Variants in MAD1L1 observed in about 807,000 individuals in gnomAD.
MAD1L1 encodes the protein mitotic arrest deficient 1 like 1.
MAD1L1 carries 95 observed loss-of-function variants against 96.9 expected under a neutral mutation model. The observed-to-expected ratio is 0.98, with a 90% CI of 0.83 to 1.16. The LOEUF (loss-of-function observed/expected upper bound fraction) is 1.16, where lower values mean the gene tolerates loss of function less well. Among genes scored for constraint, MAD1L1 ranks in the 50% most tolerant of loss-of-function variants. The pLI, the probability that MAD1L1 is intolerant of heterozygous loss-of-function variation, is 0.00. For missense variants in MAD1L1, 1,007 were observed against 954.4 expected (o/e 1.06, Z -0.73); for synonymous variants, 473 against 396.6 (o/e 1.19, Z -2.29).
At chr7:2,151,605 A>G (rs1479492871) in intron 10 of MAD1L1, among the ~76,000 whole-genome samples, 1 of 152,226 alleles carries the variant, frequency 6.6e-6, no homozygotes, top group Non-Finnish European at 1.5e-5. Flanking sequence ...ATTTAGAAAC[A>G]AGCTTCTTGC....
In MAD1L1 at chr7:1,992,781, G is replaced by C. The variant is rs79000520; in HGVS notation, c.1416+9284C>G. ...CAAGGGAAAGTCCCAGTGTCTCCAG[G>C]ACAGGTGGATGTGAGGATGGCATGG... is the stretch of plus-strand genomic sequence containing the variant. On this transcript the variant is annotated intron_variant, in intron 14 of 18. Transcript: ENST00000265854. Among the ~76,000 whole-genome samples, 174 of 152,328 alleles carry C rather than the reference G, an allele frequency of 1.1e-3. 4 individuals are homozygous for C. The East Asian group carries it at 0.028, about 25-fold the overall frequency.
At chr7:1,889,574 C>T (rs1343088854) in intron 18 of MAD1L1, among the ~76,000 whole-genome samples, 1 of 130,876 alleles carries the variant, frequency 7.6e-6, no homozygotes, top group African/African-American at 2.5e-5. Context: ...TGCCCCTGCA[C>T]CATCTCCTAT....
intron 18 of MAD1L1, among the ~76,000 whole-genome samples, chr7:1,872,380 A>C (rs1470430847): frequency 6.6e-6 from 1 of 152,046 alleles, no homozygotes; most frequent in Non-Finnish European, 1.5e-5. Flanking sequence ...AGGCCTCCCC[A>C]CAGCACCTGC....
chr7:1,831,512 C>A (rs965604264), intron 18 of MAD1L1, among the ~76,000 whole-genome samples: 2 of 152,170 alleles, frequency 1.3e-5, no homozygotes, highest in African/African-American at 4.8e-5. Flanking sequence ...TGAAAGAAGA[C>A]TCACATGTCT....
chr7:2,060,202 C>T (rs1047733848), intron 12 of MAD1L1, among the ~76,000 whole-genome samples: 2 of 150,562 alleles, frequency 1.3e-5, no homozygotes, highest in Non-Finnish European at 2.9e-5. Context: ...TGCCAAGATA[C>T]GCAGATGCCA....
chr7:2,045,221 T>A (rs571418685), intron 12 of MAD1L1, among the ~76,000 whole-genome samples: 4 of 152,280 alleles, frequency 2.6e-5, no homozygotes, highest in African/African-American at 9.6e-5. Context: ...TGGCTGTGAA[T>A]CCCTGTAAGA....
intron 18 of MAD1L1, among the ~76,000 whole-genome samples, chr7:1,881,719 G>C (rs1192083220): frequency 6.6e-6 from 1 of 152,226 alleles, no homozygotes; most frequent in Non-Finnish European, 1.5e-5. Context: ...ATCTGTCACA[G>C]ACCCGACTTC....
chr7:1,884,126 C>T (rs564751826), intron 18 of MAD1L1, among the ~76,000 whole-genome samples: 15 of 152,342 alleles, frequency 9.8e-5, no homozygotes, highest in African/African-American at 3.6e-4. Flanking sequence ...CCAGAGTTGG[C>T]GGCTGGGCCA....
chr7:1,947,120 G>C (rs1271264422), intron 16 of MAD1L1, among the ~76,000 whole-genome samples: 3 of 152,216 alleles, frequency 2.0e-5, no homozygotes, highest in Non-Finnish European at 4.4e-5. Flanking sequence ...ATGCTCATAA[G>C]ACCCGGAGCA....
intron 17 of MAD1L1, among the ~76,000 whole-genome samples, chr7:1,899,157 G>C (rs1277972759): frequency 6.6e-6 from 1 of 152,244 alleles, no homozygotes; most frequent in Non-Finnish European, 1.5e-5. Flanking sequence ...AGAGTTTACG[G>C]CTGCTTGGGG....
chr7:2,145,067 G>A (rs545608558), intron 11 of MAD1L1, among the ~76,000 whole-genome samples: 19 of 152,178 alleles, frequency 1.2e-4, no homozygotes, highest in African/African-American at 4.3e-4. Flanking sequence ...AGCGCCTTAC[G>A]GCCAGTGCCC....
intron 10 of MAD1L1, among the ~76,000 whole-genome samples, chr7:2,193,889 C>CA (rs1791849852): frequency 1.3e-5 from 2 of 148,356 alleles, no homozygotes; most frequent in Admixed American, 6.7e-5. Flanking sequence ...AAAGGCTCTG[C>CA]ATGGGAAAGA....
Position 2,222,700 on chromosome 7 carries a change from G to T in MAD1L1, c.346C>A (p.Arg116=). ...ATCTTCTCCTCCGCCCCGGCCTCCC[G>T]CTCCTGAAGCTGCCGGATGCGCGTC... ...LLTRIRQLQE[R]EAGAEEKMQE... The change falls in exon 5 of 19, where the codon CGG becomes AGG. Residue 116 remains arginine, a synonymous_variant. Transcript: ENST00000265854. The T allele has an allele frequency of 1.2e-6, 2 of 1,610,668 alleles. No individual in the cohort carries two copies. The highest frequency in any genetic ancestry group is 8.5e-7 in the Non-Finnish European group (1 of 1,179,680).
intron 18 of MAD1L1, among the ~76,000 whole-genome samples, chr7:1,855,764 C>T (rs1784217293): frequency 6.6e-6 from 1 of 152,208 alleles, no homozygotes; most frequent in Non-Finnish European, 1.5e-5. Flanking sequence ...ATCTGCTTTT[C>T]ACAGGCTCCA....
intron 11 of MAD1L1, among the ~76,000 whole-genome samples, chr7:2,125,584 C>T (rs924830512): frequency 2.0e-5 from 3 of 152,180 alleles, no homozygotes; most frequent in Non-Finnish European, 4.4e-5. Flanking sequence ...TAGCTACAAC[C>T]CCCACCAGGT....
intron 16 of MAD1L1, among the ~76,000 whole-genome samples, chr7:1,951,376 C>T (rs893072214): frequency 9.2e-5 from 14 of 152,202 alleles, no homozygotes; most frequent in African/African-American, 3.4e-4. Context: ...CTGCCCCTCC[C>T]GTCCGGGGTG....
intron 11 of MAD1L1, among the ~76,000 whole-genome samples, chr7:2,069,775 C>T (rs1562656766): frequency 6.6e-6 from 1 of 152,236 alleles, no homozygotes; most frequent in Non-Finnish European, 1.5e-5. Context: ...CCCAGCCTGG[C>T]GCTAAGCACT....
intron 18 of MAD1L1, among the ~76,000 whole-genome samples, chr7:1,840,173 C>G (rs973035875): frequency 1.3e-5 from 2 of 152,206 alleles, no homozygotes; most frequent in Non-Finnish European, 2.9e-5. Context: ...GCCTGGAGCC[C>G]GAGGCCTACC....
rs1287563030 is a variant in MAD1L1 at position 2,103,209 on chromosome 7, C to A, written c.1074-33871G>T. ...GCTCCGACCACGCTTCAGCTCTCAG[C>A]CCACATGGTGTGTCCAGAGGGAGGC... On this transcript the variant is annotated intron_variant, in intron 11 of 18. Transcript: ENST00000265854. The surrounding 1 kb of genome is among the most constrained non-coding windows in gnomAD (Gnocchi z 4.3). Among the ~76,000 whole-genome samples the A allele has an allele frequency of 6.6e-6, 1 of 152,176 alleles. No individual in the cohort carries two copies. Among genetic ancestry groups the A allele is most frequent in the Non-Finnish European group, 1.5e-5 (1 of 68,034 alleles).
Sources: allele counts gnomAD v4.1 joint callset (sites outside exome capture counted in the v4.1 genomes callset), GRCh38; gene constraint gnomAD v4.1.1; non-coding constraint Gnocchi (gnomAD v3.1); transcripts MANE v1.5; gene names NCBI Gene and HGNC (gene_info 2026-07-23, HGNC 2026-07-21).